SLC6A3: variants seen among roughly 807,000 people sequenced by gnomAD.
The protein encoded by SLC6A3 is solute carrier family 6 member 3.
A neutral mutation model predicts 70.4 loss-of-function variants in SLC6A3; 19 were observed. The observed-to-expected ratio is 0.27, with a 90% CI of 0.19 to 0.40. The LOEUF (loss-of-function observed/expected upper bound fraction) is 0.40. Among genes scored for constraint, SLC6A3 ranks in the 10% least tolerant of loss-of-function variants. The pLI, the probability that SLC6A3 is intolerant of heterozygous loss-of-function variation, is 1.00. For missense variants in SLC6A3, 613 were observed against 838.5 expected (o/e 0.73, Z 3.32); for synonymous variants, 368 against 356.6 (o/e 1.03, Z -0.36).
In SLC6A3 at chr5:1,421,468, G is replaced by C. The variant is rs1256811177; in HGVS notation, c.792+408C>G. ...TTTTTATCAACAAAAAAATCATCTTGTGTGTGCCTTCCTGCCAGAAACACT... is the reference window on the plus strand; with the variant it reads ...TTTTTATCAACAAAAAAATCATCTTCTGTGTGCCTTCCTGCCAGAAACACT... On this transcript the variant is annotated intron_variant, in intron 5 of 14. Coordinates refer to ENST00000270349, the MANE Select transcript of SLC6A3 (RefSeq NM_001044.5). The surrounding 1 kb of genome is among the most constrained non-coding windows in gnomAD (Gnocchi z 7.2). Among the ~76,000 whole-genome samples the C allele has an allele frequency of 6.6e-6, 1 of 152,132 alleles. No homozygotes were observed. Among genetic ancestry groups the C allele is most frequent in the East Asian group, 1.9e-4 (1 of 5,194 alleles).
At chr5:1,441,251 G>T in intron 3 of SLC6A3, 108 bp downstream of exon 3, 2 of 1,399,666 alleles carry the variant, frequency 1.4e-6, no homozygotes, top group Non-Finnish European at 2.0e-6. Flanking sequence ...CTGTGTCTTA[G>T]CAAAGCAGGG....
chr5:1,436,913 G>T lies in SLC6A3; in HGVS notation c.419-4215C>A, dbSNP rs2927680. 0.026 allele frequency among the ~76,000 whole-genome samples: 3,915 copies of T among 152,238 alleles called. 172 individuals are homozygous for T. Among genetic ancestry groups the T allele is most frequent in the African/African-American group, 0.09 (3,739 of 41,526 alleles). ...GCTGGAGGAAGCCTCTGGTGGAGCA[G>T]CCCCTCCATACCTCACAGGAGGCAT... is the stretch of plus-strand genomic sequence containing the variant. On this transcript the variant is annotated intron_variant, in intron 3 of 14. Coordinates refer to ENST00000270349, the MANE Select transcript of SLC6A3 (RefSeq NM_001044.5). The surrounding 1 kb of genome is among the most constrained non-coding windows in gnomAD (Gnocchi z 5.2).
At chr5:1,425,264 A>C (rs187125939) in intron 4 of SLC6A3, among the ~76,000 whole-genome samples, 29 of 152,156 alleles carry the variant, frequency 1.9e-4, no homozygotes, top group African/African-American at 6.5e-4. Context: ...CAGCCCTCTC[A>C]CCCCGTTTTA....
intron 4 of SLC6A3, among the ~76,000 whole-genome samples, chr5:1,427,514 C>G (rs1756598240): frequency 6.6e-6 from 1 of 152,118 alleles, no homozygotes; most frequent in Non-Finnish European, 1.5e-5. Context: ...AGACTTAAAG[C>G]CAGCCATGCT....
chr5:1,414,665 G>A, intron 8 of SLC6A3, 26 bp downstream of exon 8: 2 of 1,611,134 alleles, frequency 1.2e-6, no homozygotes, highest in South Asian at 2.2e-5. Context: ...CACGGAGCAG[G>A]CCCAGGTGCA....
rs1404253899 is a variant in SLC6A3 at position 1,404,241 on chromosome 5, G to T, written c.1600-1152C>A. On this transcript the variant is annotated intron_variant, in intron 12 of 14. Coordinates refer to ENST00000270349, the MANE Select transcript of SLC6A3 (RefSeq NM_001044.5). This position sits in a 1 kb window ranked among gnomAD's most constrained non-coding sequence, Gnocchi z 5.2. ...GAGGACTGGGATGGGGGCTGGGGTT[G>T]TGTCTGTCACGTGACCAGAGCCAGG... Among the ~76,000 whole-genome samples, 1 of 152,238 alleles carries T rather than the reference G, an allele frequency of 6.6e-6. No individual in the cohort carries two copies. Among genetic ancestry groups the T allele is most frequent in the Non-Finnish European group, 1.5e-5 (1 of 68,034 alleles).
intron 4 of SLC6A3, among the ~76,000 whole-genome samples, chr5:1,431,463 C>T (rs1009559503): frequency 1.3e-5 from 2 of 150,268 alleles, no homozygotes; most frequent in African/African-American, 4.9e-5. Context: ...ATGGGTTGGG[C>T]CTGGCTGGGA....
In SLC6A3 at chr5:1,411,105, C is replaced by T. The variant is rs1756111241; in HGVS notation, c.1269+138G>A. The T allele has an allele frequency of 1.4e-6, 1 of 698,820 alleles. No homozygotes were observed. Among genetic ancestry groups the T allele is most frequent in the South Asian group, 1.5e-5 (1 of 66,660 alleles). 43.3% of individuals were successfully genotyped at this position (698,820 alleles called of 1,614,324 possible). On this transcript the variant is annotated intron_variant, in intron 9 of 14. Coordinates refer to ENST00000270349, the MANE Select transcript of SLC6A3 (RefSeq NM_001044.5). This position sits in a 1 kb window ranked among gnomAD's most constrained non-coding sequence, Gnocchi z 6.5. ...AAAGGTCTCCCAAATAATCACGGGGCTCGCCCAAGTCAAGGACAGGAGGTC... is the reference window on the plus strand; with the variant it reads ...AAAGGTCTCCCAAATAATCACGGGGTTCGCCCAAGTCAAGGACAGGAGGTC...
intron 14 of SLC6A3, among the ~76,000 whole-genome samples, chr5:1,398,360 C>CAAAAAAAAAA (rs57135183): frequency 2.9e-5 from 2 of 69,074 alleles, no homozygotes; most frequent in Non-Finnish European, 3.0e-5. Flanking sequence ...GACTCCACCT[C>CAAAAAAAAAA]AAAAAAAAAA....
At chr5:1,423,357 C>CTGCTGGGTGCCCACCGCTGCCCACAG (rs1756508188) in intron 4 of SLC6A3, among the ~76,000 whole-genome samples, 1 of 96,502 alleles carries the variant, frequency 1.0e-5, no homozygotes, top group African/African-American at 3.3e-5. Context: ...GCTGCCCACG[C>CTGCTGGGTGCCCACCGCTGCCCACAG]TGCTGGGTAC....
intron 4 of SLC6A3, among the ~76,000 whole-genome samples, chr5:1,430,411 C>T (rs1253985273): frequency 6.6e-6 from 1 of 152,202 alleles, no homozygotes; most frequent in Non-Finnish European, 1.5e-5. Flanking sequence ...AGGCCAGTCC[C>T]GGCAATATGC....
intron 4 of SLC6A3, among the ~76,000 whole-genome samples, chr5:1,423,216 A>G (rs374201376): frequency 5.8e-4 from 27 of 46,672 alleles, no homozygotes; most frequent in East Asian, 1.1e-3. Context: ...GGTGCTGGGT[A>G]CCCACCGCTG....
chr5:1,441,290 T>A, intron 3 of SLC6A3, 69 bp downstream of exon 3: 1 of 1,604,436 alleles, frequency 6.2e-7, no homozygotes, highest in Non-Finnish European at 8.5e-7. Flanking sequence ...GCTGGCTTGC[T>A]TTGAAAGCTC....
At position 1,413,694 on chromosome 5, in the gene SLC6A3, C is replaced by T. The variant is rs113975344; in HGVS notation, c.1156+997G>A. On this transcript the variant is annotated intron_variant, in intron 8 of 14. Coordinates refer to ENST00000270349, the MANE Select transcript of SLC6A3 (RefSeq NM_001044.5). This position sits in a 1 kb window ranked among gnomAD's most constrained non-coding sequence, Gnocchi z 7.1. The stretch of plus-strand genomic sequence containing the variant: ...GCCCGTGTCTGGAGCGAAAGGGCCT[C>T]CTCCACATCCATGTGGCAGAGCAGG... Among the ~76,000 whole-genome samples the T allele has an allele frequency of 7.2e-3, 1,096 of 152,326 alleles. 14 individuals are homozygous for T. The highest frequency in any genetic ancestry group is 0.027 in the South Asian group (130 of 4,822).
In SLC6A3 at chr5:1,406,364, C is replaced by T. The variant is rs988575288; in HGVS notation, c.1499-76G>A. ...GATGCTGGACACGTGTGGGGGTCCT[C>T]GCTGACTCCCAAGGGCCCCACCTAC... is the stretch of plus-strand genomic sequence containing the variant. On this transcript the variant is annotated intron_variant, in intron 11 of 14. Coordinates refer to ENST00000270349, the MANE Select transcript of SLC6A3 (RefSeq NM_001044.5). This position sits in a 1 kb window ranked among gnomAD's most constrained non-coding sequence, Gnocchi z 8.8. 29 of 1,267,206 alleles carry T rather than the reference C, an allele frequency of 2.3e-5. No homozygotes were observed. Among genetic ancestry groups the T allele is most frequent in the African/African-American group, 1.2e-4 (8 of 68,038 alleles). 78.5% of individuals were successfully genotyped at this position (1,267,206 alleles called of 1,614,324 possible).
rs1252280226 is a variant in SLC6A3 at position 1,402,431 on chromosome 5, C to T, written c.1767+491G>A. 2.0e-5 allele frequency among the ~76,000 whole-genome samples: 3 copies of T among 152,018 alleles called. No homozygotes were observed. The highest frequency in any genetic ancestry group is 6.5e-5 in the Admixed American group (1 of 15,268). On this transcript the variant is annotated intron_variant, in intron 13 of 14. Transcript: ENST00000270349. This position sits in a 1 kb window ranked among gnomAD's most constrained non-coding sequence, Gnocchi z 8.5. ...CTGCCCCTGTTCAGCCAAAGTTGGG[C>T]TCGGCCCTGGGGGGACCTAGATCAC...
chr5:1,430,622 G>A (rs998246041), intron 4 of SLC6A3, among the ~76,000 whole-genome samples: 3 of 152,220 alleles, frequency 2.0e-5, no homozygotes, highest in African/African-American at 7.2e-5. Context: ...CCCCAGGAGA[G>A]GGCGAAGGTC....
In SLC6A3 at chr5:1,443,244, T is replaced by C. The variant is rs1733725086; in HGVS notation, c.-45-2A>G. The C allele has an allele frequency of 6.2e-7, 1 of 1,600,916 alleles. No individual in the cohort carries two copies. The highest frequency in any genetic ancestry group is 8.6e-7 in the Non-Finnish European group (1 of 1,168,910). ...ATTCTGTGCTTCTTCCCTCTTGGTC[T>C]TCAGCCAATATGAAAAATAAACACA... is the stretch of plus-strand genomic sequence containing the variant. On this transcript the variant is annotated splice_acceptor_variant, in intron 1 of 14. Transcript: ENST00000270349. LOFTEE classifies it low-confidence loss of function (5UTR_SPLICE).
In SLC6A3 at chr5:1,397,356, G is replaced by A. The variant is rs1202972663; in HGVS notation, c.1840-2598C>T. Among the ~76,000 whole-genome samples the A allele has an allele frequency of 5.3e-5, 8 of 152,184 alleles. No individual in the cohort carries two copies. The highest frequency in any genetic ancestry group is 7.4e-5 in the Non-Finnish European group (5 of 68,024). Reference sequence around the variant, plus strand: ...TGAGGCAGGAGAATGGCGCGAACCCGGGAGGCGGAGCTTGCAGTGAGCCGA... The same window carrying A: ...TGAGGCAGGAGAATGGCGCGAACCCAGGAGGCGGAGCTTGCAGTGAGCCGA... On this transcript the variant is annotated intron_variant, in intron 14 of 14. Coordinates refer to ENST00000270349, the MANE Select transcript of SLC6A3 (RefSeq NM_001044.5). The surrounding 1 kb of genome is among the most constrained non-coding windows in gnomAD (Gnocchi z 4.7).
Sources: gnomAD v4.1 joint callset for allele counts (sites outside exome capture counted in the v4.1 genomes callset) on GRCh38, gnomAD v4.1.1 for gene constraint, Gnocchi (gnomAD v3.1) non-coding constraint, MANE v1.5 for transcripts, NCBI Gene and HGNC (gene_info 2026-07-23, HGNC 2026-07-21) for gene names.